The following BTBD9 variants were observed in gnomAD, a reference collection of about 807,000 sequenced individuals.
BTBD9 encodes BTB domain containing 9, also known as BTB/POZ domain-containing protein 9.
BTBD9 carries 49 observed loss-of-function variants against 64.3 expected under a neutral mutation model. The ratio of observed to expected loss-of-function variants is 0.76; its 90% CI spans 0.61 to 0.97. The LOEUF (loss-of-function observed/expected upper bound fraction) is 0.97, where lower values mean the gene tolerates loss of function less well. Among genes scored for constraint, BTBD9 ranks in the 50% least tolerant of loss-of-function variants. BTBD9 has a pLI of 0.00. For synonymous variants in BTBD9, 260 were observed against 274.7 expected (o/e 0.95, Z 0.53); for missense variants, 598 against 762.1 (o/e 0.78, Z 2.53).
Position 38,522,653 on chromosome 6 carries a change from G to A in BTBD9, c.1154+54947C>T, listed in dbSNP as rs548989792. ...CCATGGCTTCAAATATTAGCTCTAA[G>A]GAGGTGACCATATATCTAACTCCAG... On this transcript the variant is annotated intron_variant, in intron 6 of 10. Coordinates refer to ENST00000481247, the MANE Select transcript of BTBD9 (RefSeq NM_001099272.2). 1.1e-3 allele frequency among the ~76,000 whole-genome samples: 173 copies of A among 152,296 alleles called. 1 individual carries two copies. The highest frequency in any genetic ancestry group is 2.8e-3 in the Admixed American group (43 of 15,298).
rs1776950294 is a variant in BTBD9 at position 38,594,385 on chromosome 6, A to G, written c.186-58T>C. The G allele has an allele frequency of 2.7e-6, 4 of 1,507,066 alleles. No individual in the cohort carries two copies. In the East Asian group the frequency reaches 6.8e-5, roughly 26 times the overall value. The allele number at this position is 1,507,066 out of a possible 1,614,324, so 93.4% of individuals were successfully genotyped here. ...CCTCAAATAGGATTTGCTACAAAAT[A>G]TTGGAAATAACAGTTATCAACATTA... On this transcript the variant is annotated intron_variant, in intron 2 of 10. Transcript: ENST00000481247.
chr6:38,171,558 GTGTGTGTGTGTGT>G lies in BTBD9; in HGVS notation c.*3414_*3426del, dbSNP rs1766760919. The stretch of plus-strand genomic sequence containing the variant: ...GCACTGAGAAAATGGTAAAACGGGT[GTGTGTGTGTGTGT>G]GTGTGTGTGTGTGTGTGTGTGTGTG... On this transcript the variant is annotated 3_prime_UTR_variant, in exon 11 of 11. Coordinates refer to ENST00000481247, the MANE Select transcript of BTBD9 (RefSeq NM_001099272.2). 2.4e-3 allele frequency: 1 copy of G among 414 alleles called. No individual in the cohort carries two copies. The highest frequency in any genetic ancestry group is 6.7e-3 in the African/African-American group (1 of 150). 0.0% of individuals were successfully genotyped at this position (414 alleles called of 1,614,324 possible).
chr6:38,459,861 C>T (rs1288265433), intron 6 of BTBD9, among the ~76,000 whole-genome samples: 1 of 152,108 alleles, frequency 6.6e-6, no homozygotes, highest in Non-Finnish European at 1.5e-5. Context: ...AATATGTAGC[C>T]TTTGATTTTA....
At chr6:38,327,124 ATGT>A (rs1763469863) in intron 7 of BTBD9, among the ~76,000 whole-genome samples, 1 of 152,178 alleles carries the variant, frequency 6.6e-6, no homozygotes, top group South Asian at 2.1e-4. Context: ...ACCACAGGTA[ATGT>A]TGTGATTTTT....
intron 7 of BTBD9, among the ~76,000 whole-genome samples, chr6:38,300,690 G>C (rs1762358055): frequency 6.6e-6 from 1 of 152,154 alleles, no homozygotes; most frequent in Non-Finnish European, 1.5e-5. Context: ...GAATGTTTGT[G>C]ATTTTTGCAC....
chr6:38,536,754 C>T (rs1229759258), intron 6 of BTBD9, among the ~76,000 whole-genome samples: 1 of 151,922 alleles, frequency 6.6e-6, no homozygotes, highest in East Asian at 1.9e-4. Flanking sequence ...ATTTGTGAGG[C>T]TAAAAAAATG....
rs75731252 is a variant in BTBD9 at position 38,474,250 on chromosome 6, G to A, written c.1154+103350C>T. ...GTTCTGGAAAGAGCTGAGGCTGGGCGTGGTAGCTCGTAACTGTAATTCCAG... is the reference window on the plus strand; with the variant it reads ...GTTCTGGAAAGAGCTGAGGCTGGGCATGGTAGCTCGTAACTGTAATTCCAG... On this transcript the variant is annotated intron_variant, in intron 6 of 10. Transcript: ENST00000481247. Among the ~76,000 whole-genome samples the A allele has an allele frequency of 7.0e-3, 1,062 of 152,270 alleles. 7 individuals carry two copies. The highest frequency in any genetic ancestry group is 0.024 in the African/African-American group (1,004 of 41,562).
At chr6:38,496,561 A>G (rs1771966728) in intron 6 of BTBD9, among the ~76,000 whole-genome samples, 1 of 151,666 alleles carries the variant, frequency 6.6e-6, no homozygotes, top group Admixed American at 6.6e-5. Context: ...GGGCAGGAGG[A>G]CTGCTTTAGC....
At chr6:38,331,545 A>G (rs571005749) in intron 7 of BTBD9, among the ~76,000 whole-genome samples, 1 of 152,338 alleles carries the variant, frequency 6.6e-6, no homozygotes, top group Admixed American at 6.5e-5. Context: ...AACTAGGCTA[A>G]TGCAAGTTGA....
At chr6:38,263,764 G>A (rs556965342) in intron 8 of BTBD9, among the ~76,000 whole-genome samples, 10 of 152,206 alleles carry the variant, frequency 6.6e-5, no homozygotes, top group African/African-American at 1.9e-4. Context: ...AGGGCCCTCC[G>A]AGTTTCTCCT....
chr6:38,194,848 G>GGAGGCAGGA (rs1390089474), intron 9 of BTBD9, among the ~76,000 whole-genome samples: 1 of 152,198 alleles, frequency 6.6e-6, no homozygotes, highest in Admixed American at 6.5e-5. Context: ...TTCTGCATGG[G>GGAGGCAGGA]GAGGCAGGAG....
intron 6 of BTBD9, among the ~76,000 whole-genome samples, chr6:38,457,970 G>A (rs993269189): frequency 1.3e-5 from 2 of 152,246 alleles, no homozygotes; most frequent in African/African-American, 4.8e-5. Context: ...AAGGGAAGAT[G>A]ATATCATCAT....
chr6:38,357,140 A>C (rs1027167812), intron 6 of BTBD9, among the ~76,000 whole-genome samples: 22 of 152,220 alleles, frequency 1.4e-4, no homozygotes, highest in African/African-American at 5.3e-4. Context: ...TCAGAGTTCT[A>C]GAAATAGGGG....
intron 6 of BTBD9, among the ~76,000 whole-genome samples, chr6:38,472,819 C>T (rs2127369804): frequency 6.6e-6 from 1 of 152,324 alleles, no homozygotes; most frequent in East Asian, 1.9e-4. Context: ...TCTTGCATTA[C>T]TCACATTTCA....
chr6:38,460,583 G>T (rs12199729), intron 6 of BTBD9, among the ~76,000 whole-genome samples: 1 of 152,136 alleles, frequency 6.6e-6, no homozygotes, highest in Admixed American at 6.6e-5. Context: ...CCAACCCACA[G>T]AATGTGTTAC....
intron 6 of BTBD9, among the ~76,000 whole-genome samples, chr6:38,526,540 G>C (rs1374738385): frequency 6.6e-6 from 1 of 152,204 alleles, no homozygotes; most frequent in African/African-American, 2.4e-5. Context: ...ACTCCAGCAT[G>C]GTAGATCCAC....
At chr6:38,619,028 C>T (rs547047638) in intron 1 of BTBD9, among the ~76,000 whole-genome samples, 45 of 152,186 alleles carry the variant, frequency 3.0e-4, no homozygotes, top group African/African-American at 7.2e-4. Context: ...AGGAGAATTA[C>T]GAAAAAGCCC....
At chr6:38,175,243 C>T (rs1484923547) in intron 10 of BTBD9, 61 bp from the exon 11 acceptor site, 35 of 1,573,852 alleles carry the variant, frequency 2.2e-5, no homozygotes, top group Non-Finnish European at 3.0e-5. Flanking sequence ...CTGGAGTTGC[C>T]GCAAGTTGGG....
chr6:38,556,889 T>C (rs1339583299), intron 6 of BTBD9, among the ~76,000 whole-genome samples: 1 of 150,262 alleles, frequency 6.7e-6, no homozygotes, highest in African/African-American at 2.4e-5. Context: ...TAGTGGCGCC[T>C]GTAATTCCAG....
Sources: allele counts gnomAD v4.1 joint callset (sites outside exome capture counted in the v4.1 genomes callset), GRCh38; gene constraint gnomAD v4.1.1; transcripts MANE v1.5; gene names NCBI Gene and HGNC (gene_info 2026-07-23, HGNC 2026-07-21).